Variants in PCDHA9 observed in about 807,000 individuals in gnomAD.
The protein encoded by PCDHA9 is protocadherin alpha 9.
A neutral mutation model predicts 62.0 loss-of-function variants in PCDHA9; 62 were observed. The ratio of observed to expected loss-of-function variants is 1.00; its 90% CI spans 0.81 to 1.23. The LOEUF (loss-of-function observed/expected upper bound fraction) is 1.23. Ranked by LOEUF, PCDHA9 falls within the 50% of genes most tolerant of loss-of-function variation. The pLI, the probability that PCDHA9 is intolerant of heterozygous loss-of-function variation, is 0.00. For missense variants in PCDHA9, 1,205 were observed against 1,249.8 expected (o/e 0.96, Z 0.54); for synonymous variants, 557 against 567.6 (o/e 0.98, Z 0.27).
intron 1 of PCDHA9, chr5:140,851,357 G>A: frequency 2.1e-6 from 2 of 974,974 alleles, no homozygotes; most frequent in Non-Finnish European, 2.5e-6. Flanking sequence ...GATGGAGACT[G>A]TGAACATCTG....
intron 1 of PCDHA9, among the ~76,000 whole-genome samples, chr5:140,957,377 G>A (rs1001680224): frequency 3.3e-5 from 5 of 152,074 alleles, no homozygotes; most frequent in Admixed American, 2.0e-4. Context: ...TTATTATAGT[G>A]TATTGTTATA....
intron 3 of PCDHA9, among the ~76,000 whole-genome samples, chr5:140,984,016 T>G (rs2153832874): frequency 6.6e-6 from 1 of 152,280 alleles, no homozygotes; most frequent in Non-Finnish European, 1.5e-5. Context: ...TATTGCCAGA[T>G]TGCAAGGGGA....
At chr5:140,883,395 A>G (rs892476136) in intron 1 of PCDHA9, 2 of 1,614,048 alleles carry the variant, frequency 1.2e-6, no homozygotes, top group African/African-American at 1.3e-5. Context: ...AGTGTGTCCG[A>G]TCGTGACTCT....
chr5:140,857,262 C>A (rs969366268), intron 1 of PCDHA9: 1 of 1,598,710 alleles, frequency 6.3e-7, no homozygotes, highest in Non-Finnish European at 8.6e-7. Context: ...AATTACTACT[C>A]ATTGGTGCTG....
chr5:140,985,941 G>T (rs553776294), intron 3 of PCDHA9, among the ~76,000 whole-genome samples: 2 of 151,978 alleles, frequency 1.3e-5, no homozygotes, highest in South Asian at 4.1e-4. Flanking sequence ...GGGTTTCACT[G>T]TGTTAGCCAG....
At chr5:140,958,375 T>A (rs1554223446) in intron 1 of PCDHA9, among the ~76,000 whole-genome samples, 1 of 152,162 alleles carries the variant, frequency 6.6e-6, no homozygotes, top group Non-Finnish European at 1.5e-5. Flanking sequence ...AATGTTGCTA[T>A]TTTCTTAACA....
intron 1 of PCDHA9, chr5:140,861,087 C>T (rs1554154139): frequency 6.6e-6 from 1 of 152,266 alleles, no homozygotes; most frequent in African/African-American, 2.4e-5. Flanking sequence ...AAAGAAGCTC[C>T]ATTGTTCCTG....
Position 140,927,036 on chromosome 5 carries a change from C to T in PCDHA9, c.2395-51913C>T, listed in dbSNP as rs137875923. 7.2e-5 allele frequency: 116 copies of T among 1,612,314 alleles called. No individual in the cohort carries two copies. In the African/African-American group the frequency reaches 1.3e-3, roughly 19 times the overall value. ...CCGCGGACTTGAGGCTGCCAGCGGC[C>T]GCTATGTCCTCGCGGAACTTTCGCT... On this transcript the variant is annotated intron_variant, in intron 1 of 3. Coordinates refer to ENST00000532602, the MANE Select transcript of PCDHA9 (RefSeq NM_031857.2).
At chr5:140,918,970 T>C (rs1217884686) in intron 1 of PCDHA9, among the ~76,000 whole-genome samples, 1 of 152,220 alleles carries the variant, frequency 6.6e-6, no homozygotes, top group Non-Finnish European at 1.5e-5. Flanking sequence ...CAGATATCGT[T>C]TAGGTTAGTT....
At chr5:140,899,228 T>G (rs1194169721) in intron 1 of PCDHA9, among the ~76,000 whole-genome samples, 1 of 152,126 alleles carries the variant, frequency 6.6e-6, no homozygotes, top group Non-Finnish European at 1.5e-5. Context: ...CAACACTATG[T>G]TGAATAGGAG....
At chr5:140,981,812 A>C (rs1563492177) in intron 2 of PCDHA9, among the ~76,000 whole-genome samples, 1 of 152,052 alleles carries the variant, frequency 6.6e-6, no homozygotes, top group African/African-American at 2.4e-5. Context: ...TTTATGTTCT[A>C]TCTCTGCTTG....
intron 3 of PCDHA9, among the ~76,000 whole-genome samples, chr5:140,998,883 GAATA>G (rs782239555): frequency 6.6e-5 from 10 of 152,274 alleles, no homozygotes; most frequent in East Asian, 1.9e-4. Flanking sequence ...AAGTTTAGTT[GAATA>G]AATAACAATG....
intron 1 of PCDHA9, among the ~76,000 whole-genome samples, chr5:140,973,225 G>A (rs1554235003): frequency 6.6e-6 from 1 of 152,180 alleles, no homozygotes; most frequent in African/African-American, 2.4e-5. Flanking sequence ...TCCAGGTATA[G>A]TGACCTGAAA....
At chr5:140,966,836 C>T in intron 1 of PCDHA9, 1 of 1,565,250 alleles carries the variant, frequency 6.4e-7, no homozygotes, top group Non-Finnish European at 8.6e-7. Context: ...GCCCTGGCTG[C>T]TGCTACTGCC....
chr5:141,011,876 A>G lies in PCDHA9; in HGVS notation c.*1939A>G, dbSNP rs2098422094. ...AATTTTGTTATAATGTACAATTTAG[A>G]AGTTTGATTAATTATATTATCTATT... On this transcript the variant is annotated 3_prime_UTR_variant, in exon 4 of 4. Coordinates refer to ENST00000532602, the MANE Select transcript of PCDHA9 (RefSeq NM_031857.2). 6.5e-6 allele frequency: 1 copy of G among 153,584 alleles called. No individual in the cohort carries two copies. The highest frequency in any genetic ancestry group is 2.4e-5 in the African/African-American group (1 of 41,298). 9.5% of individuals were successfully genotyped at this position (153,584 alleles called of 1,614,324 possible).
intron 1 of PCDHA9, chr5:140,877,884 C>T: frequency 6.8e-7 from 1 of 1,465,050 alleles, no homozygotes; most frequent in Non-Finnish European, 9.0e-7. Context: ...CCTTGAAGAA[C>T]TTCCGTTTAG....
chr5:140,915,373 C>T (rs1234241584), intron 1 of PCDHA9, among the ~76,000 whole-genome samples: 12 of 152,126 alleles, frequency 7.9e-5, no homozygotes, highest in African/African-American at 2.2e-4. Flanking sequence ...GTAAGTGTCT[C>T]GGCATTGAAG....
intron 1 of PCDHA9, among the ~76,000 whole-genome samples, chr5:140,937,282 C>T (rs2091446146): frequency 6.6e-6 from 1 of 152,060 alleles, no homozygotes; most frequent in Admixed American, 6.6e-5. Context: ...CGTGATTCAC[C>T]CGCTTCGGCC....
chr5:140,959,102 G>A (rs556528085), intron 1 of PCDHA9, among the ~76,000 whole-genome samples: 2 of 152,214 alleles, frequency 1.3e-5, no homozygotes, highest in South Asian at 4.2e-4. Flanking sequence ...ACATTCAGCA[G>A]GGGTCCGAAG....
Sources: gnomAD v4.1 joint callset for allele counts (sites outside exome capture counted in the v4.1 genomes callset) on GRCh38, gnomAD v4.1.1 for gene constraint, MANE v1.5 for transcripts, NCBI Gene and HGNC (gene_info 2026-07-23, HGNC 2026-07-21) for gene names.